Variants in ITPRID2 observed in about 807,000 individuals in gnomAD.
ITPRID2 encodes the protein protein ITPRID2.
In ITPRID2, 60 loss-of-function variants were observed where a neutral mutation model predicts 124.3. The observed-to-expected ratio is 0.48, with a 90% CI of 0.39 to 0.60. The LOEUF is 0.60. Among genes scored for constraint, ITPRID2 ranks in the 20% least tolerant of loss-of-function variants. The pLI is 0.00. For missense variants in ITPRID2, 1,553 were observed against 1,512.2 expected, an observed-to-expected ratio of 1.03 and a Z score of -0.45; for synonymous variants, 521 against 542.9, an observed-to-expected ratio of 0.96 and a Z score of 0.56.
chr2:181,916,861 G>T (rs893590972), intron 11 of ITPRID2: 2 of 1,000,832 alleles, frequency 2.0e-6, no homozygotes, highest in Non-Finnish European at 2.4e-6. Context: ...GGCTTCTGTG[G>T]CACCACGTTC....
intron 2 of ITPRID2, among the ~76,000 whole-genome samples, chr2:181,895,358 A>G (rs1328277304): frequency 6.6e-6 from 1 of 152,094 alleles, no homozygotes; most frequent in African/African-American, 2.4e-5. Flanking sequence ...AGAATGAAAA[A>G]ATTTTAGCAA....
At chr2:181,909,459 G>A (rs912267850) in intron 8 of ITPRID2, among the ~76,000 whole-genome samples, 1 of 152,118 alleles carries the variant, frequency 6.6e-6, no homozygotes, top group Non-Finnish European at 1.5e-5. Context: ...TTAACGTATA[G>A]AGAACTTTTC....
intron 15 of ITPRID2, 45 bp downstream of exon 15, chr2:181,920,707 A>G (rs1424928222): frequency 2.2e-6 from 3 of 1,352,576 alleles, no homozygotes; most frequent in Admixed American, 3.5e-5. Flanking sequence ...GAATGATACA[A>G]CATTTCAGAC....
chr2:181,920,208 A>T (rs1042043200), intron 14 of ITPRID2, among the ~76,000 whole-genome samples: 1 of 152,238 alleles, frequency 6.6e-6, no homozygotes, highest in South Asian at 2.1e-4. Context: ...ATGTGTGTAT[A>T]TACTATAAAT....
In ITPRID2 at chr2:181,915,510, G is replaced by A; in HGVS notation, c.1870G>A (p.Val624Met). 1 of 1,614,192 alleles carries A rather than the reference G, an allele frequency of 6.2e-7. No individual in the cohort carries two copies. Among genetic ancestry groups the A allele is most frequent in the South Asian group, 1.1e-5 (1 of 91,080 alleles). ...GGATCATATCATTGAAATTACTGAA[G>A]TGGAAGAGGATTTGTTTCCAGCAGA... is the stretch of plus-strand genomic sequence containing the variant. ...PGDHIIEITE[V>M]EEDLFPAETV... The change falls in exon 11 of 18, where the codon GTG (valine) becomes ATG (methionine). Residue 624 changes from valine (V) to methionine (M), a missense_variant. Physicochemically the swap from Val to Met is conservative, Grantham distance 21. Coordinates refer to ENST00000431877, the MANE Select transcript of ITPRID2 (RefSeq NM_001130445.3).
chr2:181,892,598 C>T lies in ITPRID2; in HGVS notation c.212-17C>T, dbSNP rs202007144. On this transcript the variant is annotated splice_polypyrimidine_tract_variant and intron_variant, in intron 1 of 17. Coordinates refer to ENST00000431877, the MANE Select transcript of ITPRID2 (RefSeq NM_001130445.3). The surrounding 1 kb of genome is among the most constrained non-coding windows in gnomAD (Gnocchi z 5.2). ...GCTCCTGGGTGGTAACGTGCTGTCCCCTCTCTCTACCCCCAGGAAACGTGC... is the reference window on the plus strand; with the variant it reads ...GCTCCTGGGTGGTAACGTGCTGTCCTCTCTCTCTACCCCCAGGAAACGTGC... 2 of 1,614,116 alleles carry T rather than the reference C, an allele frequency of 1.2e-6. No homozygotes were observed. The highest frequency in any genetic ancestry group is 1.3e-5 in the African/African-American group (1 of 75,048).
intron 16 of ITPRID2, among the ~76,000 whole-genome samples, chr2:181,925,789 C>T (rs1694800385): frequency 6.6e-6 from 1 of 152,064 alleles, no homozygotes; most frequent in African/African-American, 2.4e-5. Context: ...TTATACTCCC[C>T]TCTTATTTGA....
intron 16 of ITPRID2, among the ~76,000 whole-genome samples, chr2:181,923,928 T>C (rs888252871): frequency 6.6e-5 from 10 of 152,174 alleles, no homozygotes; most frequent in African/African-American, 2.4e-4. Flanking sequence ...AATTTAGTTA[T>C]TCCCATTAGG....
rs998290636 is a variant in ITPRID2, at chr2:181,905,144, G to A, written c.1413+2678G>A. Among the ~76,000 whole-genome samples the A allele has an allele frequency of 1.3e-5, 2 of 151,242 alleles. No homozygotes were observed. Among genetic ancestry groups the A allele is most frequent in the African/African-American group, 2.4e-5 (1 of 41,014 alleles). On this transcript the variant is annotated intron_variant, in intron 8 of 17. Transcript: ENST00000431877. The surrounding 1 kb of genome is among the most constrained non-coding windows in gnomAD (Gnocchi z 4.1). ...GGCTAACTGCAACGTCTGCCTCCTGGGTTCATGTAATTCTCCTGCCTCAGC... is the reference window on the plus strand; with the variant it reads ...GGCTAACTGCAACGTCTGCCTCCTGAGTTCATGTAATTCTCCTGCCTCAGC...
rs933909419 is a variant in ITPRID2 at position 181,907,573 on chromosome 2, T to C, written c.1414-2326T>C. Among the ~76,000 whole-genome samples, 4 of 152,166 alleles carry C rather than the reference T, an allele frequency of 2.6e-5. No homozygotes were observed. The highest frequency in any genetic ancestry group is 5.9e-5 in the Non-Finnish European group (4 of 68,024). On this transcript the variant is annotated intron_variant, in intron 8 of 17. Transcript: ENST00000431877. This position sits in a 1 kb window ranked among gnomAD's most constrained non-coding sequence, Gnocchi z 5.1. ...TTCTAATTCAGTTTTATTTGGCTAT[T>C]CTTGTTAATTATGAAAGGCTGCTTA...
At chr2:181,898,513 C>A (rs1692396196) in intron 4 of ITPRID2, among the ~76,000 whole-genome samples, 1 of 151,978 alleles carries the variant, frequency 6.6e-6, no homozygotes, top group African/African-American at 2.4e-5. Context: ...AGATATTATT[C>A]ATTAATAGCT....
intron 10 of ITPRID2, among the ~76,000 whole-genome samples, chr2:181,914,177 C>T (rs959232779): frequency 4.6e-5 from 7 of 152,120 alleles, no homozygotes; most frequent in Non-Finnish European, 1.0e-4. Context: ...CACCAGTAAA[C>T]AGAGATTATT....
chr2:181,900,948 G>A (rs73032671), intron 7 of ITPRID2, 44 bp downstream of exon 7: 14 of 1,407,362 alleles, frequency 9.9e-6, no homozygotes, highest in Admixed American at 6.6e-5. Flanking sequence ...TTAAATTATA[G>A]CATCTACAGC....
intron 17 of ITPRID2, among the ~76,000 whole-genome samples, 176 bp from the exon 18 acceptor site, chr2:181,929,385 A>AT (rs984244770): frequency 4.7e-5 from 7 of 149,830 alleles, no homozygotes; most frequent in Admixed American, 2.0e-4. Flanking sequence ...AATAGGAATT[A>AT]TTTTTTTTAA....
rs1406824035 is a variant in ITPRID2 at position 181,907,448 on chromosome 2, T to G, written c.1414-2451T>G. 6.3e-4 allele frequency among the ~76,000 whole-genome samples: 6 copies of G among 9,558 alleles called. No individual in the cohort carries two copies. Among genetic ancestry groups the G allele is most frequent in the Admixed American group, 1.0e-3 (1 of 992 alleles). 6.3% of individuals were successfully genotyped at this position (9,558 alleles called of 152,430 possible). On this transcript the variant is annotated intron_variant, in intron 8 of 17. Transcript: ENST00000431877. The surrounding 1 kb of genome is among the most constrained non-coding windows in gnomAD (Gnocchi z 5.1). ...AATTTTATCACTTTGGTTTAGTGGT[T>G]TTTTTTTTTTTTTATATTATGAAAC...
At chr2:181,898,839 T>A in intron 4 of ITPRID2, 41 bp from the exon 5 acceptor site, 1 of 1,418,940 alleles carries the variant, frequency 7.0e-7, no homozygotes. Flanking sequence ...GTTATAGTCC[T>A]ACTAACAATT....
chr2:181,901,260 G>C (rs891666564), intron 7 of ITPRID2, among the ~76,000 whole-genome samples: 1 of 152,146 alleles, frequency 6.6e-6, no homozygotes, highest in African/African-American at 2.4e-5. Flanking sequence ...TGGCTAATTT[G>C]ATCAGTTTCA....
chr2:181,916,093 C>T lies in ITPRID2; in HGVS notation c.2453C>T (p.Pro818Leu), dbSNP rs779032822. Residue 818 changes from proline (P) to leucine (L), a missense_variant, in exon 11 of 18, where the codon CCG becomes CTG. By Grantham distance (98) the Pro-to-Leu change is moderately conservative. Coordinates refer to ENST00000431877, the MANE Select transcript of ITPRID2 (RefSeq NM_001130445.3). ...GAAGAAGCCCCCCAGAGTGAGGCGCCGCGGGTGGAGGAATGCCATCATGGA... is the reference window on the plus strand; with the variant it reads ...GAAGAAGCCCCCCAGAGTGAGGCGCTGCGGGTGGAGGAATGCCATCATGGA... Reference protein sequence around the residue: ...KKEEAPQSEAPRVEECHHGRT... With the variant: ...KKEEAPQSEALRVEECHHGRT... 6 of 1,614,176 alleles carry T rather than the reference C, an allele frequency of 3.7e-6. No individual in the cohort carries two copies. The highest frequency in any genetic ancestry group is 1.6e-4 in the Middle Eastern group (1 of 6,062).
At position 181,916,038 on chromosome 2, in the gene ITPRID2, A is replaced by G. The variant is rs1694010236; in HGVS notation, c.2398A>G (p.Ile800Val). ...TGGTCAGTCTTTAGTTAAATCGACC[A>G]TTTTCATCTCTCCATCATCTGTGAA... ...HDGQSLVKST[I>V]FISPSSVKKE... The change falls in exon 11 of 18, where the codon ATT becomes GTT. Residue 800 changes from isoleucine to valine, a missense_variant. Physicochemically the swap from Ile to Val is conservative, Grantham distance 29. Transcript: ENST00000431877. 1 of 1,614,148 alleles carries G rather than the reference A, an allele frequency of 6.2e-7. No homozygotes were observed. The highest frequency in any genetic ancestry group is 1.1e-5 in the South Asian group (1 of 91,066).
Sources: gnomAD v4.1 joint callset for allele counts (sites outside exome capture counted in the v4.1 genomes callset) on GRCh38, gnomAD v4.1.1 for gene constraint, Gnocchi (gnomAD v3.1) non-coding constraint, MANE v1.5 for transcripts, NCBI Gene and HGNC (gene_info 2026-07-23, HGNC 2026-07-21) for gene names.